The following COL11A1 variants were observed in gnomAD, a reference collection of about 807,000 sequenced individuals.
COL11A1 encodes the protein collagen type XI alpha 1 chain.
In COL11A1, 74 loss-of-function variants were observed where a neutral mutation model predicts 265.2. The ratio of observed to expected loss-of-function variants is 0.28; its 90% CI spans 0.23 to 0.34. The LOEUF is 0.34. Ranked by LOEUF, COL11A1 falls within the 10% of genes least tolerant of loss-of-function variation. The pLI, the probability that COL11A1 is intolerant of heterozygous loss-of-function variation, is 1.00. For missense variants in COL11A1, 2,165 were observed against 2,263.6 expected, an observed-to-expected ratio of 0.96 and a Z score of 0.88; for synonymous variants, 816 against 727.6, an observed-to-expected ratio of 1.12 and a Z score of -1.96.
intron 65 of COL11A1, among the ~76,000 whole-genome samples, chr1:102,880,663 C>A (rs2615999): frequency 0.11 from 16,161 of 151,328 alleles, 1,007 homozygotes; most frequent in Middle Eastern, 0.2. Flanking sequence ...TATCTGAGTT[C>A]AGCTGTAACA....
chr1:102,919,568 T>C (rs1157352411), intron 49 of COL11A1, among the ~76,000 whole-genome samples: 6 of 152,002 alleles, frequency 3.9e-5, no homozygotes, highest in Non-Finnish European at 7.4e-5. Context: ...AATTCTTCCC[T>C]TTCTGAAAAT....
chr1:103,004,299 A>T, intron 20 of COL11A1, 145 bp downstream of exon 20: 3 of 637,720 alleles, frequency 4.7e-6, no homozygotes, highest in Non-Finnish European at 8.3e-6. Flanking sequence ...ATCCTTTTTA[A>T]TTTTTTTCGC....
chr1:102,920,265 T>C, intron 49 of COL11A1, 46 bp downstream of exon 49: 1 of 1,540,044 alleles, frequency 6.5e-7, no homozygotes, highest in Non-Finnish European at 9.0e-7. Flanking sequence ...ATTATTACAG[T>C]TCTTAATTCA....
chr1:103,015,641 A>T, intron 12 of COL11A1, 27 bp downstream of exon 12: 1 of 1,489,152 alleles, frequency 6.7e-7, no homozygotes, highest in Non-Finnish European at 9.3e-7. Flanking sequence ...ATATCAAGTC[A>T]TCTCTATAAC....
At chr1:103,076,570 T>C (rs1428605501) in intron 3 of COL11A1, among the ~76,000 whole-genome samples, 1 of 152,076 alleles carries the variant, frequency 6.6e-6, no homozygotes, top group Non-Finnish European at 1.5e-5. Context: ...CCAGGCAGGA[T>C]TGTTCTTTCT....
chr1:102,976,046 C>T (rs1662432639), intron 35 of COL11A1, among the ~76,000 whole-genome samples: 1 of 151,996 alleles, frequency 6.6e-6, no homozygotes, highest in Admixed American at 6.6e-5. Flanking sequence ...TAAACTATGA[C>T]ACTATGATTC....
At chr1:102,930,488 T>G (rs1043748510) in intron 46 of COL11A1, among the ~76,000 whole-genome samples, 28 of 152,148 alleles carry the variant, frequency 1.8e-4, no homozygotes, top group African/African-American at 5.5e-4. Context: ...GCTGGATTCA[T>G]TTTGCCAGTA....
intron 11 of COL11A1, among the ~76,000 whole-genome samples, chr1:103,017,434 C>A (rs535599289): frequency 1.2e-3 from 177 of 151,988 alleles, no homozygotes; most frequent in African/African-American, 4.1e-3. Flanking sequence ...AGCATGTAAC[C>A]CAGGGTTTGA....
chr1:102,961,705 C>A, intron 41 of COL11A1, 161 bp downstream of exon 41: 1 of 663,622 alleles, frequency 1.5e-6, no homozygotes, highest in Admixed American at 2.1e-5. Flanking sequence ...TTTCTGCATT[C>A]ATTAGTGCAT....
At chr1:102,947,520 T>C (rs1008152482) in intron 41 of COL11A1, among the ~76,000 whole-genome samples, 2 of 152,166 alleles carry the variant, frequency 1.3e-5, no homozygotes, top group Non-Finnish European at 2.9e-5. Context: ...TCCCAAAGGA[T>C]AAGCTATTAA....
At chr1:103,070,123 A>C (rs1239012877) in intron 4 of COL11A1, among the ~76,000 whole-genome samples, 3 of 151,526 alleles carry the variant, frequency 2.0e-5, no homozygotes, top group Non-Finnish European at 4.4e-5. Flanking sequence ...TAGATGCCAT[A>C]ACCTGGAAGT....
chr1:103,096,998 A>G (rs376124435), intron 1 of COL11A1, among the ~76,000 whole-genome samples: 2 of 151,990 alleles, frequency 1.3e-5, no homozygotes, highest in South Asian at 2.1e-4. Context: ...AGCTCCATAT[A>G]AAGTGTGACT....
chr1:103,066,111 C>T (rs929235053), intron 4 of COL11A1, among the ~76,000 whole-genome samples: 7 of 152,016 alleles, frequency 4.6e-5, no homozygotes, highest in African/African-American at 1.7e-4. Flanking sequence ...AGAGATACAT[C>T]AGTAGCATAT....
chr1:102,882,028 C>T (rs112098344), intron 64 of COL11A1, among the ~76,000 whole-genome samples: 3 of 151,962 alleles, frequency 2.0e-5, no homozygotes, highest in African/African-American at 7.3e-5. Flanking sequence ...GAAAGACAAC[C>T]GGGTATAGGC....
intron 4 of COL11A1, among the ~76,000 whole-genome samples, chr1:103,043,483 A>G (rs914334946): frequency 1.3e-5 from 2 of 151,984 alleles, no homozygotes; most frequent in Non-Finnish European, 2.9e-5. Flanking sequence ...GTTGTCAGAG[A>G]TTTTCACAAT....
intron 41 of COL11A1, among the ~76,000 whole-genome samples, chr1:102,961,485 A>G (rs915317793): frequency 4.6e-5 from 7 of 152,238 alleles, no homozygotes; most frequent in African/African-American, 1.7e-4. Context: ...TTTATAAGAA[A>G]TCAAATCTTA....
chr1:102,961,221 T>C (rs536400832), intron 41 of COL11A1, among the ~76,000 whole-genome samples: 6 of 152,130 alleles, frequency 3.9e-5, no homozygotes, highest in Non-Finnish European at 8.8e-5. Context: ...AAATGAAGCA[T>C]ACATTCAATT....
At chr1:102,974,699 T>G in intron 36 of COL11A1, 131 bp downstream of exon 36, 1 of 709,644 alleles carries the variant, frequency 1.4e-6, no homozygotes, top group South Asian at 1.8e-5. Context: ...GTCTACTTTC[T>G]TTGACATCAA....
At position 102,995,674 on chromosome 1, in the gene COL11A1, G is replaced by T. The variant is rs1664557152; in HGVS notation, c.2340+190C>A. 2.0e-5 allele frequency among the ~76,000 whole-genome samples: 3 copies of T among 151,692 alleles called. No homozygotes were observed. The South Asian group carries it at 6.2e-4, about 32-fold the overall frequency. ...GTAACATAATTTAGTTTCTGTTCTG[G>T]TATTTAACCCTTATCACAAGATATA... On this transcript the variant is annotated intron_variant, in intron 28 of 66. Transcript: ENST00000370096.
Sources: gnomAD v4.1 joint callset for allele counts (sites outside exome capture counted in the v4.1 genomes callset) on GRCh38, gnomAD v4.1.1 for gene constraint, MANE v1.5 for transcripts, NCBI Gene and HGNC (gene_info 2026-07-23, HGNC 2026-07-21) for gene names.